RANBP2: variants seen among roughly 807,000 people sequenced by gnomAD.
RANBP2 encodes the protein E3 SUMO-protein ligase RanBP2.
RANBP2 carries 57 observed loss-of-function variants against 303.6 expected under a neutral mutation model. That is an observed-to-expected ratio of 0.19 (90% CI 0.15 to 0.23). The LOEUF (loss-of-function observed/expected upper bound fraction) is 0.23, where lower values mean the gene tolerates loss of function less well. Ranked by LOEUF, RANBP2 falls within the 10% of genes least tolerant of loss-of-function variation. The probability of loss-of-function intolerance (pLI) is 1.00; values close to 1 mark genes in which losing one functional copy is unlikely to be tolerated. For missense variants in RANBP2, 3,138 were observed against 3,780.8 expected, an observed-to-expected ratio of 0.83 and a Z score of 4.46; for synonymous variants, 1,167 against 1,301.5, an observed-to-expected ratio of 0.90 and a Z score of 2.23.
chr2:109,361,406 T>C, the RANBP2 span, among the ~76,000 whole-genome samples: 1 of 152,206 alleles, frequency 6.6e-6, no homozygotes, highest in African/African-American at 2.4e-5. Flanking sequence ...CATTTATATG[T>C]TTGGTAGAAT....
the RANBP2 span, among the ~76,000 whole-genome samples, chr2:109,438,974 A>G: frequency 6.6e-5 from 10 of 152,196 alleles, no homozygotes; most frequent in Admixed American, 2.6e-4. Flanking sequence ...GGCCCCACTC[A>G]TCACGGTGAG....
intron 6 of RANBP2, among the ~76,000 whole-genome samples, chr2:108,736,876 A>G (rs1269732861): frequency 6.6e-6 from 1 of 152,122 alleles, no homozygotes; most frequent in South Asian, 2.1e-4. Flanking sequence ...AATTTTGTTA[A>G]TATTTATTGG....
chr2:109,576,476 T>A, the RANBP2 span, among the ~76,000 whole-genome samples: 3 of 152,100 alleles, frequency 2.0e-5, no homozygotes, highest in Admixed American at 6.5e-5. Context: ...AAGAATTCAA[T>A]TCATCATCAA....
the RANBP2 span, among the ~76,000 whole-genome samples, chr2:109,400,561 A>G: frequency 6.9e-6 from 1 of 144,068 alleles, no homozygotes; most frequent in Admixed American, 6.8e-5. Flanking sequence ...ACGTATACAC[A>G]TACACACCTG....
chr2:109,501,419 T>C, the RANBP2 span: 2 of 639,130 alleles, frequency 3.1e-6, no homozygotes, highest in Non-Finnish European at 5.9e-6. Flanking sequence ...ATAACAATAA[T>C]TTACACCGAG....
the RANBP2 span, among the ~76,000 whole-genome samples, chr2:109,174,273 A>T: frequency 6.6e-6 from 1 of 152,248 alleles, no homozygotes; most frequent in Non-Finnish European, 1.5e-5. Flanking sequence ...AGGCAGAGAG[A>T]AGGACTAAGT....
chr2:109,454,191 ATACT>A, the RANBP2 span, among the ~76,000 whole-genome samples: 21 of 152,340 alleles, frequency 1.4e-4, no homozygotes, highest in Non-Finnish European at 2.4e-4. Flanking sequence ...ATAGGAGGAA[ATACT>A]TACAACAATT....
the RANBP2 span, among the ~76,000 whole-genome samples, chr2:109,226,676 C>T: frequency 2.0e-5 from 3 of 152,180 alleles, no homozygotes; most frequent in Admixed American, 6.5e-5. Flanking sequence ...TGCATCTGCT[C>T]CCTTTGTGGC....
the RANBP2 span, chr2:108,873,379 T>C: frequency 1.5e-6 from 2 of 1,324,682 alleles, no homozygotes; most frequent in Non-Finnish European, 2.0e-6. Context: ...CACATAGTTC[T>C]GATTTTAATT....
the RANBP2 span, among the ~76,000 whole-genome samples, chr2:108,833,211 A>G: frequency 1.3e-5 from 2 of 152,358 alleles, no homozygotes; most frequent in East Asian, 1.9e-4. Flanking sequence ...TCTGTAGACT[A>G]TACAACAGAG....
At chr2:109,488,583 C>T in the RANBP2 span, among the ~76,000 whole-genome samples, 1 of 152,230 alleles carries the variant, frequency 6.6e-6, no homozygotes, top group Non-Finnish European at 1.5e-5. Context: ...TCCCAGGGTT[C>T]TGCCCCCGAC....
the RANBP2 span, among the ~76,000 whole-genome samples, chr2:109,197,998 T>C: frequency 1.3e-5 from 2 of 152,094 alleles, no homozygotes; most frequent in Non-Finnish European, 2.9e-5. Context: ...TTTCACAGAG[T>C]TGACCTGTAG....
chr2:108,741,811 CTTTT>C (rs397872027), intron 7 of RANBP2, among the ~76,000 whole-genome samples: 172 of 108,940 alleles, frequency 1.6e-3, no homozygotes, highest in Middle Eastern at 5.5e-3. Flanking sequence ...CACACCCAGC[CTTTT>C]TTTTTTTTTT....
chr2:109,677,028 A>G, the RANBP2 span, among the ~76,000 whole-genome samples: 2,236 of 152,188 alleles, frequency 0.015, 59 homozygotes, highest in African/African-American at 0.05. Context: ...CTAAATAACA[A>G]CTTCTCCATG....
the RANBP2 span, among the ~76,000 whole-genome samples, chr2:108,880,653 T>G: frequency 6.6e-6 from 1 of 152,138 alleles, no homozygotes; most frequent in African/African-American, 2.4e-5. Context: ...CTGCCTGTAC[T>G]CTATAAATGG....
the RANBP2 span, among the ~76,000 whole-genome samples, chr2:109,735,870 G>A: frequency 1.3e-5 from 2 of 152,160 alleles, no homozygotes; most frequent in African/African-American, 2.4e-5. Flanking sequence ...AAGCAATTCC[G>A]CTTCAGAGAA....
intron 20 of RANBP2, 60 bp from the exon 21 acceptor site, chr2:108,771,641 G>A (rs1677500454): frequency 6.3e-7 from 1 of 1,595,836 alleles, no homozygotes; most frequent in South Asian, 1.1e-5. Context: ...TTTTCAGTTA[G>A]AGTATTAACG....
chr2:109,097,737 G>GTA, the RANBP2 span, among the ~76,000 whole-genome samples: 1 of 1,886 alleles, frequency 5.3e-4, no homozygotes, highest in East Asian at 0.045. Flanking sequence ...TGTGCTTAGG[G>GTA]TGTGTGTGTG....
At chr2:109,130,131 C>T in the RANBP2 span, 2 of 1,285,344 alleles carry the variant, frequency 1.6e-6, no homozygotes, top group Non-Finnish European at 2.0e-6. Context: ...TCTGTCTCGG[C>T]GGAAGTGGCC....
Sources: allele counts gnomAD v4.1 joint callset (sites outside exome capture counted in the v4.1 genomes callset), GRCh38; gene constraint gnomAD v4.1.1; transcripts MANE v1.5; gene names NCBI Gene and HGNC (gene_info 2026-07-23, HGNC 2026-07-21).